Variants in WDPCP observed in about 807,000 individuals in gnomAD.
WDPCP encodes the protein WD repeat containing planar cell polarity effector.
A neutral mutation model predicts 93.1 loss-of-function variants in WDPCP; 71 were observed. The observed-to-expected ratio is 0.76, with a 90% CI of 0.63 to 0.93. The LOEUF (loss-of-function observed/expected upper bound fraction) is 0.93. Among genes scored for constraint, WDPCP ranks in the 40% least tolerant of loss-of-function variants. The probability of loss-of-function intolerance (pLI) is 0.00; values close to 1 mark genes in which losing one functional copy is unlikely to be tolerated. For missense variants in WDPCP, 844 were observed against 887.4 expected (o/e 0.95, Z 0.62); for synonymous variants, 315 against 315.0 (o/e 1.00, Z 0.00).
chr2:63,459,459 A>G (rs560629277), intron 6 of WDPCP, among the ~76,000 whole-genome samples: 12 of 152,310 alleles, frequency 7.9e-5, no homozygotes, highest in African/African-American at 2.9e-4. Flanking sequence ...GAGGTATATG[A>G]CTAACACCAC....
intron 1 of WDPCP, among the ~76,000 whole-genome samples, chr2:63,584,200 T>C (rs1350498698): frequency 6.6e-6 from 1 of 151,866 alleles, no homozygotes; most frequent in Non-Finnish European, 1.5e-5. Context: ...CTAACACAGC[T>C]TAAAAAGAAG....
chr2:63,279,476 A>G (rs1392240058), intron 13 of WDPCP, among the ~76,000 whole-genome samples: 1 of 152,232 alleles, frequency 6.6e-6, no homozygotes, highest in African/African-American at 2.4e-5. Context: ...AATAAAAGCC[A>G]TCTATGACAA....
At chr2:63,515,493 G>A (rs1033026436) in intron 1 of WDPCP, among the ~76,000 whole-genome samples, 1 of 152,192 alleles carries the variant, frequency 6.6e-6, no homozygotes, top group Non-Finnish European at 1.5e-5. Context: ...CTGCATTTGT[G>A]TGAGGTGTTG....
intron 13 of WDPCP, among the ~76,000 whole-genome samples, chr2:63,297,988 G>C (rs778664513): frequency 2.0e-5 from 3 of 152,156 alleles, no homozygotes; most frequent in Non-Finnish European, 4.4e-5. Flanking sequence ...ATCTATTGTT[G>C]CCACTTGGGG....
rs150396433 is a variant in WDPCP at position 63,456,156 on chromosome 2, G to A, written c.385-16285C>T. On this transcript the variant is annotated intron_variant, in intron 6 of 17. Transcript: ENST00000272321. ...ATGGAGGCAAGGCGAGGTGGCTCAC[G>A]CTGTAATCTCAGCACTCTGGGAGGG... is the stretch of plus-strand genomic sequence containing the variant. Among the ~76,000 whole-genome samples the A allele has an allele frequency of 4.1e-4, 62 of 152,144 alleles. No individual in the cohort carries two copies. The East Asian group carries it at 6.4e-3, about 16-fold the overall frequency.
chr2:63,252,192 A>G (rs1223406266), intron 14 of WDPCP, among the ~76,000 whole-genome samples: 1 of 152,180 alleles, frequency 6.6e-6, no homozygotes, highest in East Asian at 1.9e-4. Flanking sequence ...AAACCATATG[A>G]TTATCTCAAT....
chr2:63,702,870 T>C (rs1669080903), intron 2 of WDPCP, among the ~76,000 whole-genome samples: 1 of 148,900 alleles, frequency 6.7e-6, no homozygotes, highest in Non-Finnish European at 1.5e-5. Flanking sequence ...ATCCCTCCCC[T>C]CTCCCCCCAC....
intron 2 of WDPCP, among the ~76,000 whole-genome samples, chr2:63,680,169 T>C (rs187522185): frequency 1.4e-3 from 213 of 152,214 alleles, no homozygotes; most frequent in Middle Eastern, 3.4e-3. Flanking sequence ...GAACACCAAA[T>C]TGAACAACTA....
intron 3 of WDPCP, chr2:63,622,201 G>C (rs545424216): frequency 6.2e-7 from 1 of 1,600,342 alleles, no homozygotes; most frequent in Admixed American, 1.7e-5. Context: ...TGCTGCTGCT[G>C]CTTCTTGGTG....
intron 6 of WDPCP, among the ~76,000 whole-genome samples, chr2:63,475,088 G>A (rs1303995559): frequency 6.6e-6 from 1 of 151,906 alleles, no homozygotes; most frequent in East Asian, 1.9e-4. Context: ...CCACATACTG[G>A]CTAAGTTCAG....
chr2:63,709,833 T>G lies in WDPCP; in HGVS notation n.309-58995A>C, dbSNP rs527278883. On this transcript the variant is annotated intron_variant and non_coding_transcript_variant, in intron 2 of 4. Transcript: ENST00000467687. ...GAGCAGAGAGTTACAATAAAATGTT[T>G]GACGAAGGGCTACTGCTGAGTAGGG... Among the ~76,000 whole-genome samples the G allele has an allele frequency of 7.9e-5, 12 of 152,306 alleles. No individual in the cohort carries two copies. In the South Asian group the frequency reaches 1.2e-3, roughly 16 times the overall value.
intron 3 of WDPCP, among the ~76,000 whole-genome samples, chr2:63,632,007 C>T (rs1416503753): frequency 6.6e-6 from 1 of 152,208 alleles, no homozygotes; most frequent in Non-Finnish European, 1.5e-5. Context: ...TACTGCTGAG[C>T]ACCCCCACAA....
intron 2 of WDPCP, among the ~76,000 whole-genome samples, chr2:63,708,986 C>T (rs1669217026): frequency 7.3e-6 from 1 of 136,704 alleles, no homozygotes; most frequent in African/African-American, 2.8e-5. Context: ...TTTGGGAGGC[C>T]GAGGGGGGTG....
intron 11 of WDPCP, among the ~76,000 whole-genome samples, chr2:63,381,008 A>C (rs1206082516): frequency 6.6e-6 from 1 of 152,162 alleles, no homozygotes; most frequent in African/African-American, 2.4e-5. Context: ...GTAGAAAAGA[A>C]AAGCTCTTCA....
At chr2:63,365,064 A>G (rs1473243930) in intron 12 of WDPCP, among the ~76,000 whole-genome samples, 1 of 152,236 alleles carries the variant, frequency 6.6e-6, no homozygotes, top group Non-Finnish European at 1.5e-5. Context: ...GTTTTATACA[A>G]TCAACTTTGG....
At chr2:63,336,435 A>C (rs1258422069) in intron 12 of WDPCP, among the ~76,000 whole-genome samples, 2 of 152,214 alleles carry the variant, frequency 1.3e-5, no homozygotes, top group Non-Finnish European at 2.9e-5. Flanking sequence ...TTTTGTTCCC[A>C]ATCTTAGGCG....
chr2:63,403,134 G>C (rs1238905416), intron 10 of WDPCP, among the ~76,000 whole-genome samples: 1 of 152,116 alleles, frequency 6.6e-6, no homozygotes, highest in Non-Finnish European at 1.5e-5. Flanking sequence ...AACTTGGACG[G>C]AGCTGAACGC....
intron 1 of WDPCP, among the ~76,000 whole-genome samples, chr2:63,511,527 A>G (rs1206394116): frequency 6.6e-6 from 1 of 152,244 alleles, no homozygotes; most frequent in Non-Finnish European, 1.5e-5. Flanking sequence ...CCAAAACAGC[A>G]TGGTACTGGT....
At chr2:63,444,089 C>T (rs941299190) in intron 6 of WDPCP, among the ~76,000 whole-genome samples, 1 of 152,074 alleles carries the variant, frequency 6.6e-6, no homozygotes, top group Non-Finnish European at 1.5e-5. Context: ...AGCCATGGTA[C>T]TGGACATGCT....
Sources: gnomAD v4.1 joint callset for allele counts (sites outside exome capture counted in the v4.1 genomes callset) on GRCh38, gnomAD v4.1.1 for gene constraint, MANE v1.5 for transcripts, NCBI Gene and HGNC (gene_info 2026-07-23, HGNC 2026-07-21) for gene names.